CASZ1: variants seen among roughly 807,000 people sequenced by gnomAD.
CASZ1 encodes zinc finger protein castor homolog 1.
Under a neutral mutation model 135.2 loss-of-function variants are expected in CASZ1, and 28 were observed. That is an observed-to-expected ratio of 0.21 (90% CI 0.15 to 0.28). The LOEUF is 0.28. Ranked by LOEUF, CASZ1 falls within the 10% of genes least tolerant of loss-of-function variation. The pLI, the probability that CASZ1 is intolerant of heterozygous loss-of-function variation, is 1.00. For missense variants in CASZ1, 2,161 were observed against 2,453.3 expected (o/e 0.88, Z 2.52); for synonymous variants, 1,068 against 1,073.4 (o/e 0.99, Z 0.10).
At chr1:10,740,958 G>GGCAAAAAA (rs1639906185) in intron 2 of CASZ1, among the ~76,000 whole-genome samples, 1 of 26,366 alleles carries the variant, frequency 3.8e-5, no homozygotes, top group Non-Finnish European at 7.3e-5. Flanking sequence ...ACCCTGTCTG[G>GGCAAAAAA]ACAAAAAAAA....
chr1:10,656,785 C>T (rs1028155127), intron 7 of CASZ1, 49 bp from the exon 8 acceptor site: 5 of 1,031,080 alleles, frequency 4.8e-6, no homozygotes, highest in Middle Eastern at 2.5e-4. Flanking sequence ...GTGACAGTCC[C>T]AGCCCCAGCC....
intron 20 of CASZ1, chr1:10,642,469 C>G (rs1642236454): frequency 4.2e-6 from 1 of 236,440 alleles, no homozygotes; most frequent in Admixed American, 5.3e-5. Flanking sequence ...GAGAGAGGGA[C>G]ACAAGAAGAA....
Position 10,648,005 on chromosome 1 carries a change from G to A in CASZ1, c.3293C>T (p.Ser1098Phe), listed in dbSNP as rs1383075848. 1 of 1,602,588 alleles carries A rather than the reference G, an allele frequency of 6.2e-7. No homozygotes were observed. The highest frequency in any genetic ancestry group is 1.3e-5 in the African/African-American group (1 of 74,730). Reference sequence around the variant, plus strand: ...GCTGGGAGCGGGCCCCTCCAGAGAGGACACCGTGGCCGTGGTGACAGGAGG... The same window carrying A: ...GCTGGGAGCGGGCCCCTCCAGAGAGAACACCGTGGCCGTGGTGACAGGAGG... ...PVPPVTTATV[S>F]SLEGPAPSPA... The change falls in exon 16 of 21, where the codon TCC (serine) becomes TTC (phenylalanine). Residue 1098 changes from serine to phenylalanine, a missense_variant. Physicochemically the swap from Ser to Phe is radical, Grantham distance 155. Coordinates refer to ENST00000377022, the MANE Select transcript of CASZ1 (RefSeq NM_001079843.3).
rs762653267 is a variant in CASZ1 at position 10,643,286 on chromosome 1, G to A, written c.3894C>T (p.Ser1298=). ...AGCCCTCCCGGATGCAGTGGAAGTG[G>A]CTGTTCACCTGGTTGTACTTGCAAC... The part of the protein sequence containing the change: ...RLGCKYNQVN[S]HFHCIREGCQ... The change falls in exon 19 of 21, where the codon AGC becomes AGT. Residue 1298 remains serine, a synonymous_variant. Coordinates refer to ENST00000377022, the MANE Select transcript of CASZ1 (RefSeq NM_001079843.3). 1 of 1,612,844 alleles carries A rather than the reference G, an allele frequency of 6.2e-7. No homozygotes were observed. Among genetic ancestry groups the A allele is most frequent in the Non-Finnish European group, 8.5e-7 (1 of 1,179,992 alleles).
intron 15 of CASZ1, chr1:10,648,513 G>T (rs370920556): frequency 4.3e-6 from 1 of 232,080 alleles, no homozygotes; most frequent in African/African-American, 2.3e-5. Context: ...CGCGGGCTAC[G>T]GCCGAGGGTG....
intron 8 of CASZ1, 89 bp from the exon 9 acceptor site, chr1:10,655,902 G>A: frequency 1.5e-6 from 2 of 1,358,582 alleles, no homozygotes; most frequent in East Asian, 2.3e-5. Flanking sequence ...GCCAGGTGCT[G>A]GCCTCAGGTC....
At chr1:10,672,455 G>T (rs1160821711) in intron 4 of CASZ1, among the ~76,000 whole-genome samples, 1 of 146,204 alleles carries the variant, frequency 6.8e-6, no homozygotes, top group African/African-American at 2.5e-5. Context: ...TCCTTCACTC[G>T]CCAGCCCGCG....
rs1357985237 is a variant in CASZ1 at position 10,735,719 on chromosome 1, C to A, written c.-77+24982G>T. Reference sequence around the variant, plus strand: ...TCCTTCGGTTAAATGAGGTCAAATGCTTTTCAAGTCACGGGCATCTGCCTA... The same window carrying A: ...TCCTTCGGTTAAATGAGGTCAAATGATTTTCAAGTCACGGGCATCTGCCTA... On this transcript the variant is annotated intron_variant, in intron 2 of 20. Coordinates refer to ENST00000377022, the MANE Select transcript of CASZ1 (RefSeq NM_001079843.3). This position sits in a 1 kb window ranked among gnomAD's most constrained non-coding sequence, Gnocchi z 5.1. 6.6e-6 allele frequency among the ~76,000 whole-genome samples: 1 copy of A among 152,314 alleles called. No homozygotes were observed.
intron 4 of CASZ1, among the ~76,000 whole-genome samples, chr1:10,681,468 G>A (rs1045979766): frequency 2.0e-5 from 3 of 152,036 alleles, no homozygotes; most frequent in African/African-American, 4.8e-5. Context: ...CTCAGAGCCC[G>A]GCCACCCCTC....
intron 4 of CASZ1, among the ~76,000 whole-genome samples, chr1:10,685,651 GCCACTGAT>G (rs1275981246): frequency 1.3e-5 from 2 of 152,228 alleles, no homozygotes; most frequent in East Asian, 3.9e-4. Context: ...TTCTCTCTGA[GCCACTGAT>G]CCTCAGCCCC....
chr1:10,682,860 T>C (rs1638471749), intron 4 of CASZ1, among the ~76,000 whole-genome samples: 1 of 152,212 alleles, frequency 6.6e-6, no homozygotes, highest in Non-Finnish European at 1.5e-5. Context: ...GGAGGCGTGG[T>C]GCCATCTGTG....
At chr1:10,783,803 C>T (rs892714676) in intron 1 of CASZ1, among the ~76,000 whole-genome samples, 6 of 129,708 alleles carry the variant, frequency 4.6e-5, no homozygotes, top group African/African-American at 8.6e-5. Flanking sequence ...ACCCGGGAGG[C>T]GGAGGTTGCA....
At chr1:10,698,622 C>G (rs1245249686) in intron 3 of CASZ1, among the ~76,000 whole-genome samples, 1 of 152,174 alleles carries the variant, frequency 6.6e-6, no homozygotes, top group Non-Finnish European at 1.5e-5. Flanking sequence ...AGGCTCCCCA[C>G]CTGGAAGAGG....
rs3790639 is a variant in CASZ1, at chr1:10,647,971, G to A, written c.3327C>T (p.Ser1109=). The change falls in exon 16 of 21, where the codon TCC becomes TCT. Residue 1109 remains serine, a synonymous_variant. Coordinates refer to ENST00000377022, the MANE Select transcript of CASZ1 (RefSeq NM_001079843.3). This position sits in a 1 kb window ranked among gnomAD's most constrained non-coding sequence, Gnocchi z 4.9. ...CGAGCAGGGTGGGGGTGGAGGGCAC[G>A]GAGGCCGGGCTGGGAGCGGGCCCCT... The part of the protein sequence containing the change: ...SLEGPAPSPA[S]VPSTPTLLAW... 5.4e-3 allele frequency: 8,630 copies of A among 1,609,450 alleles called. 105 individuals carry two copies. Among genetic ancestry groups the A allele is most frequent in the African/African-American group, 0.043 (3,214 of 74,926 alleles).
At chr1:10,651,172 G>A (rs907279597) in intron 11 of CASZ1, 96 bp from the exon 12 acceptor site, 1 of 1,064,234 alleles carries the variant, frequency 9.4e-7, no homozygotes, top group Non-Finnish European at 1.3e-6. Flanking sequence ...GCAGTGGGCT[G>A]GGTGGGCCCC....
rs531933644 is a variant in CASZ1 at position 10,727,772 on chromosome 1, C to G, written c.-76-22228G>C. 6.6e-6 allele frequency among the ~76,000 whole-genome samples: 1 copy of G among 152,332 alleles called. No homozygotes were observed. The highest frequency in any genetic ancestry group is 2.1e-4 in the South Asian group (1 of 4,824). On this transcript the variant is annotated intron_variant, in intron 2 of 20. Transcript: ENST00000377022. This position sits in a 1 kb window ranked among gnomAD's most constrained non-coding sequence, Gnocchi z 5.3. ...TCAGAGGCTGAGGAAGGCCAGGCAG[C>G]AGCTGCCAGGGCTGCCCTCAGCCCT...
chr1:10,651,030 C>T lies in CASZ1; in HGVS notation c.2727G>A (p.Val909=), dbSNP rs745743078. 4.5e-6 allele frequency: 7 copies of T among 1,558,964 alleles called. No individual in the cohort carries two copies. In the African/African-American group the frequency reaches 9.8e-5, roughly 22 times the overall value. Residue 909 remains valine (V), a synonymous_variant, in exon 12 of 21, where the codon GTG becomes GTA. Coordinates refer to ENST00000377022, the MANE Select transcript of CASZ1 (RefSeq NM_001079843.3). ...CGGTGCTCTCACCGGGTTCCGGCTTCACTTGGGCCGGGGGGAACCTGGCTG... is the reference window on the plus strand; with the variant it reads ...CGGTGCTCTCACCGGGTTCCGGCTTTACTTGGGCCGGGGGGAACCTGGCTG... ...VTPARFPPAQ[V]KPEPGESTGA...
rs1639235708 is a variant in CASZ1 at position 10,709,236 on chromosome 1, A to T, written c.-76-3692T>A. The stretch of plus-strand genomic sequence containing the variant: ...CCTGCTCCCCAGGCCTCCCGGGGCC[A>T]TGGGGGCTCGGGGCAGCTGTCGGGC... On this transcript the variant is annotated intron_variant, in intron 2 of 20. Transcript: ENST00000377022. The surrounding 1 kb of genome is among the most constrained non-coding windows in gnomAD (Gnocchi z 5.1). 6.6e-6 allele frequency among the ~76,000 whole-genome samples: 1 copy of T among 152,110 alleles called. No individual in the cohort carries two copies. The highest frequency in any genetic ancestry group is 1.5e-5 in the Non-Finnish European group (1 of 68,004).
chr1:10,646,308 C>A lies in CASZ1; in HGVS notation c.3516G>T (p.Thr1172=). The change falls in exon 17 of 21, where the codon ACG becomes ACT. Residue 1172 remains threonine (T), a synonymous_variant. Coordinates refer to ENST00000377022, the MANE Select transcript of CASZ1 (RefSeq NM_001079843.3). The surrounding 1 kb of genome is among the most constrained non-coding windows in gnomAD (Gnocchi z 6.4). ...GGAACTTGTTGGCGTACTTGCAGTC[C>A]GTGGCGAGGCAAGGATCGCTGGAAG... ...QFQENDPCLA[T]DCKYANKFHF... 6.2e-7 allele frequency: 1 copy of A among 1,614,040 alleles called. No individual in the cohort carries two copies. The highest frequency in any genetic ancestry group is 2.2e-5 in the East Asian group (1 of 44,894).
Sources: allele counts gnomAD v4.1 joint callset (sites outside exome capture counted in the v4.1 genomes callset), GRCh38; gene constraint gnomAD v4.1.1; non-coding constraint Gnocchi (gnomAD v3.1); transcripts MANE v1.5; gene names NCBI Gene and HGNC (gene_info 2026-07-23, HGNC 2026-07-21).